Variants in TSG101 observed in about 807,000 individuals in gnomAD.
TSG101 encodes tumor susceptibility 101, also known as tumor susceptibility gene 101 protein.
In TSG101, 19 loss-of-function variants were observed where a neutral mutation model predicts 48.5. The observed-to-expected ratio is 0.39, with a 90% CI of 0.27 to 0.58. The LOEUF (loss-of-function observed/expected upper bound fraction) is 0.58. TSG101 is among the 20% of genes least tolerant of loss of function. The probability of loss-of-function intolerance (pLI) is 0.55; values close to 1 mark genes in which losing one functional copy is unlikely to be tolerated. For synonymous variants in TSG101, 174 were observed against 169.4 expected, an observed-to-expected ratio of 1.03 and a Z score of -0.21; for missense variants, 365 against 484.4, an observed-to-expected ratio of 0.75 and a Z score of 2.31.
chr11:18,523,624 T>G (rs970729607), intron 1 of TSG101, among the ~76,000 whole-genome samples: 2 of 152,174 alleles, frequency 1.3e-5, no homozygotes, highest in Non-Finnish European at 2.9e-5. Flanking sequence ...TTTCTCAGCT[T>G]CCCGAGTAGC....
At chr11:18,523,073 G>A (rs1475924623) in intron 1 of TSG101, among the ~76,000 whole-genome samples, 1 of 151,984 alleles carries the variant, frequency 6.6e-6, no homozygotes, top group Admixed American at 6.6e-5. Context: ...ATTTTTAGTA[G>A]AGAAGAGACA....
chr11:18,509,008 G>T (rs2658567), intron 5 of TSG101, among the ~76,000 whole-genome samples: 2 of 151,942 alleles, frequency 1.3e-5, no homozygotes, highest in African/African-American at 4.8e-5. Flanking sequence ...CCAATTAGGG[G>T]AGAAGCAACA....
At chr11:18,519,650 T>G in intron 1 of TSG101, 47 bp from the exon 2 acceptor site, 1 of 1,358,368 alleles carries the variant, frequency 7.4e-7, no homozygotes, top group Non-Finnish European at 1.0e-6. Context: ...CCAATGCATA[T>G]ATTTTACAGC....
chr11:18,507,457 C>T (rs938909483), intron 5 of TSG101, among the ~76,000 whole-genome samples: 1 of 152,092 alleles, frequency 6.6e-6, no homozygotes, highest in Non-Finnish European at 1.5e-5. Context: ...GAGACCCTAT[C>T]TCAAAACAAA....
Position 18,480,514 on chromosome 11 carries a change from A to G in TSG101, c.*32T>C. 1 of 1,573,812 alleles carries G rather than the reference A, an allele frequency of 6.4e-7. No homozygotes were observed. ...AAAAGGAAGAGAAGAATACTTTAAGAAGAGCTCAACCTCCAGCTGGTATCA... is the reference window on the plus strand; with the variant it reads ...AAAAGGAAGAGAAGAATACTTTAAGGAGAGCTCAACCTCCAGCTGGTATCA... On this transcript the variant is annotated 3_prime_UTR_variant, in exon 10 of 10. Coordinates refer to ENST00000251968, the MANE Select transcript of TSG101 (RefSeq NM_006292.4).
At chr11:18,502,710 G>C (rs896882640) in intron 6 of TSG101, 133 bp from the exon 7 acceptor site, 3 of 611,978 alleles carry the variant, frequency 4.9e-6, no homozygotes, top group Non-Finnish European at 8.5e-6. Context: ...TCTTGGAGCT[G>C]CAAGTGTTTA....
intron 7 of TSG101, chr11:18,490,456 C>T: frequency 1.9e-6 from 1 of 539,404 alleles, no homozygotes; most frequent in Non-Finnish European, 3.6e-6. Flanking sequence ...AAATTAAGTG[C>T]CAGACCAAGT....
intron 7 of TSG101, among the ~76,000 whole-genome samples, chr11:18,498,517 C>A (rs1429857928): frequency 2.0e-5 from 3 of 152,020 alleles, no homozygotes; most frequent in Non-Finnish European, 4.4e-5. Flanking sequence ...GATGAGGAGT[C>A]AAGGATGACT....
At chr11:18,512,697 G>T (rs952560566) in intron 4 of TSG101, among the ~76,000 whole-genome samples, 1 of 151,086 alleles carries the variant, frequency 6.6e-6, no homozygotes, top group Non-Finnish European at 1.5e-5. Flanking sequence ...CAGGATCAGG[G>T]ACTGAGCTGA....
intron 5 of TSG101, among the ~76,000 whole-genome samples, chr11:18,508,054 A>G (rs868137656): frequency 4.7e-4 from 71 of 150,684 alleles, no homozygotes; most frequent in Non-Finnish European, 8.3e-4. Flanking sequence ...AGATCATACC[A>G]CTGCACTCCG....
chr11:18,484,400 G>T (rs1346124235), intron 7 of TSG101, among the ~76,000 whole-genome samples: 1 of 152,104 alleles, frequency 6.6e-6, no homozygotes, highest in Non-Finnish European at 1.5e-5. Context: ...CCAACAAATG[G>T]CACAATAATT....
In TSG101 at chr11:18,480,347, A is replaced by G; in HGVS notation, c.*199T>C. 1 of 394,786 alleles carries G rather than the reference A, an allele frequency of 2.5e-6. No individual in the cohort carries two copies. The highest frequency in any genetic ancestry group is 4.5e-6 in the Non-Finnish European group (1 of 221,476). The allele number at this position is 394,786 out of a possible 1,614,324, so 24.5% of individuals were successfully genotyped here. ...ATTTTATTTAGCAGTCCCAACATTCAGCACAAAAAGTTTACAGAGGATAGA... is the reference window on the plus strand; with the variant it reads ...ATTTTATTTAGCAGTCCCAACATTCGGCACAAAAAGTTTACAGAGGATAGA... On this transcript the variant is annotated 3_prime_UTR_variant, in exon 10 of 10. Coordinates refer to ENST00000251968, the MANE Select transcript of TSG101 (RefSeq NM_006292.4).
intron 1 of TSG101, among the ~76,000 whole-genome samples, chr11:18,523,421 GTTTC>G (rs1430986290): frequency 6.6e-5 from 10 of 152,298 alleles, no homozygotes; most frequent in East Asian, 1.9e-4. Flanking sequence ...CAGAAGCACA[GTTTC>G]TTTGTCTGAT....
Position 18,526,900 on chromosome 11 carries a change from A to AC in TSG101, c.-85dup, listed in dbSNP as rs878899806. ...CCCAGACCGTCCCACACAATCGCAC[A>AC]CCCCCAACCCGGCCTCAAACAACAG... is the stretch of plus-strand genomic sequence containing the variant. On this transcript the variant is annotated 5_prime_UTR_variant, in exon 1 of 10. Coordinates refer to ENST00000251968, the MANE Select transcript of TSG101 (RefSeq NM_006292.4). 2.7e-5 allele frequency: 39 copies of AC among 1,454,364 alleles called. No individual in the cohort carries two copies. In the South Asian group the frequency reaches 4.7e-4, roughly 18 times the overall value. 90.1% of individuals were successfully genotyped at this position (1,454,364 alleles called of 1,614,324 possible).
chr11:18,524,214 G>C (rs1159252150), intron 1 of TSG101, among the ~76,000 whole-genome samples: 1 of 152,202 alleles, frequency 6.6e-6, no homozygotes, highest in African/African-American at 2.4e-5. Context: ...TTCTGTAAAA[G>C]AAGAAGGACT....
At chr11:18,502,427 C>T in intron 7 of TSG101, 59 bp downstream of exon 7, 1 of 1,404,960 alleles carries the variant, frequency 7.1e-7, no homozygotes, top group Non-Finnish European at 9.9e-7. Context: ...ATGTGCTTTT[C>T]ACAACAGGGA....
chr11:18,516,715 GT>G (rs1256802378), intron 2 of TSG101, among the ~76,000 whole-genome samples: 1 of 151,946 alleles, frequency 6.6e-6, no homozygotes. Context: ...GCCGAGGCAG[GT>G]GGATCACCTG....
chr11:18,511,659 A>G (rs983992690), intron 4 of TSG101, among the ~76,000 whole-genome samples: 2 of 152,128 alleles, frequency 1.3e-5, no homozygotes, highest in Admixed American at 6.6e-5. Flanking sequence ...CATCCCATAA[A>G]CTTTCTCCTT....
intron 8 of TSG101, among the ~76,000 whole-genome samples, chr11:18,483,126 T>C (rs1363835318): frequency 6.6e-6 from 1 of 152,086 alleles, no homozygotes; most frequent in Non-Finnish European, 1.5e-5. Flanking sequence ...ATAGTAAGTC[T>C]CACAAGATCT....
Sources: allele counts gnomAD v4.1 joint callset (sites outside exome capture counted in the v4.1 genomes callset), GRCh38; gene constraint gnomAD v4.1.1; transcripts MANE v1.5; gene names NCBI Gene and HGNC (gene_info 2026-07-23, HGNC 2026-07-21).